PCDHA10: variants seen among roughly 807,000 people sequenced by gnomAD.
PCDHA10 encodes the protein protocadherin alpha 10, also known as protocadherin alpha-10.
PCDHA10 carries 45 observed loss-of-function variants against 61.2 expected under a neutral mutation model. The observed-to-expected ratio is 0.74, with a 90% CI of 0.58 to 0.94. The LOEUF (loss-of-function observed/expected upper bound fraction) is 0.94. Among genes scored for constraint, PCDHA10 ranks in the 40% least tolerant of loss-of-function variants. The pLI is 0.00. For missense variants in PCDHA10, 1,278 were observed against 1,236.2 expected (o/e 1.03, Z -0.51); for synonymous variants, 602 against 548.8 (o/e 1.10, Z -1.35).
intron 1 of PCDHA10, among the ~76,000 whole-genome samples, chr5:140,912,519 T>G (rs770184717): frequency 6.6e-6 from 1 of 152,164 alleles, no homozygotes. Context: ...TCTTTAGGGT[T>G]TTCAGAGTAC....
chr5:140,956,189 A>C (rs2095264873), intron 1 of PCDHA10, among the ~76,000 whole-genome samples: 1 of 152,142 alleles, frequency 6.6e-6, no homozygotes, highest in South Asian at 2.1e-4. Context: ...ACTATGCTGA[A>C]TAGGAGTGGT....
At chr5:140,944,124 G>T (rs922088265) in intron 1 of PCDHA10, among the ~76,000 whole-genome samples, 10 of 152,200 alleles carry the variant, frequency 6.6e-5, no homozygotes, top group Admixed American at 6.5e-4. Context: ...TACCAGAGAA[G>T]AAAAGGTTGA....
At chr5:140,962,601 C>T (rs1227208523) in intron 1 of PCDHA10, among the ~76,000 whole-genome samples, 1 of 152,160 alleles carries the variant, frequency 6.6e-6, no homozygotes, top group African/African-American at 2.4e-5. Context: ...TGATATATTT[C>T]TTCTGGAGGA....
chr5:140,906,023 G>A (rs952070346), intron 1 of PCDHA10, among the ~76,000 whole-genome samples: 7 of 152,128 alleles, frequency 4.6e-5, no homozygotes, highest in Admixed American at 3.3e-4. Flanking sequence ...ATCTCTCCAC[G>A]TTCTTCTGTC....
In PCDHA10 at chr5:140,982,557, A is replaced by G. The variant is rs199851685; in HGVS notation, c.2530A>G (p.Thr844Ala). 6.2e-7 allele frequency: 1 copy of G among 1,614,138 alleles called. No homozygotes were observed. The highest frequency in any genetic ancestry group is 1.7e-5 in the Admixed American group (1 of 60,030). The change falls in exon 3 of 4, where the codon ACA becomes GCA. Residue 844 changes from threonine (T) to alanine (A), a missense_variant. Physicochemically the swap from Thr to Ala is moderately conservative, Grantham distance 58. Transcript: ENST00000307360. ...GCAGTGGCCAACAGTATCCAGTGCAACACCAGGTAAAGAGCTGGGGTCTCT... is the reference window on the plus strand; with the variant it reads ...GCAGTGGCCAACAGTATCCAGTGCAGCACCAGGTAAAGAGCTGGGGTCTCT... Reference protein sequence around the residue: ...DQQWPTVSSATPEPEAGEVSP... With the variant: ...DQQWPTVSSAAPEPEAGEVSP...
chr5:140,867,025 C>G lies in PCDHA10; in HGVS notation c.2388+8589C>G, dbSNP rs560327933. 2.6e-5 allele frequency: 4 copies of G among 152,270 alleles called. No homozygotes were observed. The East Asian group carries it at 7.7e-4, about 29-fold the overall frequency. The allele number at this position is 152,270 out of a possible 1,614,324, so 9.4% of individuals were successfully genotyped here. Reference sequence around the variant, plus strand: ...TCATTGATTCATACACTATATCAAACTCTTTTATGACTTGGCGTTTGTTCA... The same window carrying G: ...TCATTGATTCATACACTATATCAAAGTCTTTTATGACTTGGCGTTTGTTCA... On this transcript the variant is annotated intron_variant, in intron 1 of 3. Transcript: ENST00000307360.
intron 3 of PCDHA10, among the ~76,000 whole-genome samples, chr5:141,006,182 T>G (rs1388785445): frequency 1.3e-5 from 2 of 151,170 alleles, no homozygotes; most frequent in Non-Finnish European, 2.9e-5. Flanking sequence ...TTTAAAAGAG[T>G]TTGCTATATG....
chr5:140,911,033 G>A lies in PCDHA10; in HGVS notation c.2388+52597G>A, dbSNP rs188656147. 2.0e-3 allele frequency among the ~76,000 whole-genome samples: 306 copies of A among 152,188 alleles called. 2 individuals are homozygous for A. The highest frequency in any genetic ancestry group is 7.0e-3 in the African/African-American group (291 of 41,532). On this transcript the variant is annotated intron_variant, in intron 1 of 3. Transcript: ENST00000307360. ...GGACTTTAGTCTAGTTATAGGTCTA[G>A]AAGCAAACAGGGGTGGTGGGGGGTG...
intron 1 of PCDHA10, among the ~76,000 whole-genome samples, chr5:140,935,180 T>C (rs781934014): frequency 3.9e-5 from 6 of 152,214 alleles, no homozygotes; most frequent in Non-Finnish European, 7.3e-5. Flanking sequence ...TTATTGCTGC[T>C]GGGTCAGTTG....
At chr5:140,921,811 T>C (rs1484171257) in intron 1 of PCDHA10, among the ~76,000 whole-genome samples, 1 of 152,096 alleles carries the variant, frequency 6.6e-6, no homozygotes, top group Non-Finnish European at 1.5e-5. Context: ...ATAAGATACA[T>C]GTGTGAATAT....
intron 1 of PCDHA10, among the ~76,000 whole-genome samples, chr5:140,957,462 T>C (rs574379806): frequency 8.3e-4 from 126 of 152,308 alleles, no homozygotes; most frequent in African/African-American, 2.9e-3. Context: ...ATCATAGGTA[T>C]GTATGTATAG....
In PCDHA10 at chr5:140,869,777, C is replaced by A. The variant is rs184691375; in HGVS notation, c.2388+11341C>A. On this transcript the variant is annotated intron_variant, in intron 1 of 3. Transcript: ENST00000307360. ...GGGGGAAAACCAGAGCTTACTGGCA[C>A]CGTTCGGCTGTTAGTCCAAGTCTTG... The A allele has an allele frequency of 1.0e-4, 167 of 1,612,982 alleles. 1 individual carries two copies. The highest frequency in any genetic ancestry group is 6.8e-6 in the Non-Finnish European group (8 of 1,179,600).
At chr5:140,869,233 T>C in intron 1 of PCDHA10, 1 of 1,613,700 alleles carries the variant, frequency 6.2e-7, no homozygotes, top group Non-Finnish European at 8.5e-7. Context: ...ACACGGCACC[T>C]TCGTGGGCCG....
chr5:140,878,348 T>G (rs55915538), intron 1 of PCDHA10, among the ~76,000 whole-genome samples: 4,312 of 152,298 alleles, frequency 0.028, 189 homozygotes, highest in African/African-American at 0.098. Flanking sequence ...ATCACAATAA[T>G]ATAAATGATA....
chr5:140,860,551 GA>G (rs781917307), intron 1 of PCDHA10: 4 of 152,042 alleles, frequency 2.6e-5, no homozygotes, highest in Non-Finnish European at 5.9e-5. Context: ...ACCCACCTTT[GA>G]AGAGGTACTG....
chr5:140,892,332 T>C (rs552266223), intron 1 of PCDHA10, among the ~76,000 whole-genome samples: 41 of 152,392 alleles, frequency 2.7e-4, no homozygotes, highest in African/African-American at 9.9e-4. Flanking sequence ...TTCTCCAGAA[T>C]GGATTTTAAT....
intron 1 of PCDHA10, among the ~76,000 whole-genome samples, chr5:140,911,976 A>G (rs1270778875): frequency 6.6e-6 from 1 of 152,218 alleles, no homozygotes; most frequent in Non-Finnish European, 1.5e-5. Context: ...ATTAACTCAC[A>G]TGATCACAAG....
chr5:140,922,164 A>G lies in PCDHA10; in HGVS notation c.2389-56785A>G, dbSNP rs1382732959. Among the ~76,000 whole-genome samples the G allele has an allele frequency of 2.1e-5, 3 of 145,926 alleles. No individual in the cohort carries two copies. The East Asian group carries it at 6.4e-4, about 31-fold the overall frequency. Reference sequence around the variant, plus strand: ...CATGAAACTCATCAAAAACAACAAAAAGTACAGCAGACAAAAAAAAAGTCT... The same window carrying G: ...CATGAAACTCATCAAAAACAACAAAGAGTACAGCAGACAAAAAAAAAGTCT... On this transcript the variant is annotated intron_variant, in intron 1 of 3. Transcript: ENST00000307360.
intron 1 of PCDHA10, among the ~76,000 whole-genome samples, chr5:140,909,403 G>A (rs533159317): frequency 2.0e-4 from 31 of 152,280 alleles, no homozygotes; most frequent in African/African-American, 7.2e-4. Flanking sequence ...AGCTGCAATT[G>A]CAGTTACCAT....
Sources: allele counts gnomAD v4.1 joint callset (sites outside exome capture counted in the v4.1 genomes callset), GRCh38; gene constraint gnomAD v4.1.1; transcripts MANE v1.5; gene names NCBI Gene and HGNC (gene_info 2026-07-23, HGNC 2026-07-21).